The following CNTN5 variants were observed in gnomAD, a reference collection of about 807,000 sequenced individuals.
CNTN5 encodes contactin 5, also known as contactin-5.
A neutral mutation model predicts 129.1 loss-of-function variants in CNTN5; 77 were observed. That is an observed-to-expected ratio of 0.60 (90% CI 0.50 to 0.72). The LOEUF (loss-of-function observed/expected upper bound fraction) is 0.72. Among genes scored for constraint, CNTN5 ranks in the 30% least tolerant of loss-of-function variants. The pLI, the probability that CNTN5 is intolerant of heterozygous loss-of-function variation, is 0.00. For missense variants in CNTN5, 1,478 were observed against 1,328.8 expected (o/e 1.11, Z -1.75); for synonymous variants, 509 against 465.6 (o/e 1.09, Z -1.20).
chr11:99,497,314 G>C (rs1248736308), intron 2 of CNTN5, among the ~76,000 whole-genome samples: 1 of 152,158 alleles, frequency 6.6e-6, no homozygotes, highest in East Asian at 1.9e-4. Context: ...TGATGAGTTA[G>C]ATGTCTTGAT....
At chr11:99,718,536 G>T (rs1023852874) in intron 3 of CNTN5, among the ~76,000 whole-genome samples, 6 of 152,118 alleles carry the variant, frequency 3.9e-5, no homozygotes, top group Admixed American at 6.5e-5. Context: ...CATCAGCTTG[G>T]AGATGCTTCT....
intron 14 of CNTN5, 43 bp downstream of exon 14, chr11:100,191,296 G>T (rs200367703): frequency 9.0e-6 from 14 of 1,548,244 alleles, no homozygotes; most frequent in Non-Finnish European, 1.2e-5. Flanking sequence ...TAGTCTCATG[G>T]TCTTATCGGA....
At chr11:99,263,216 A>C (rs1435253878) in intron 1 of CNTN5, among the ~76,000 whole-genome samples, 2 of 152,034 alleles carry the variant, frequency 1.3e-5, no homozygotes, top group African/African-American at 4.8e-5. Context: ...TTCCTGTGTG[A>C]TGCCAACAGT....
intron 1 of CNTN5, among the ~76,000 whole-genome samples, chr11:99,076,469 C>A (rs1049396419): frequency 2.6e-5 from 4 of 152,032 alleles, no homozygotes; most frequent in African/African-American, 7.2e-5. Flanking sequence ...CACACAAGCA[C>A]ACACACACAA....
At chr11:99,473,568 C>T (rs144579032) in intron 2 of CNTN5, among the ~76,000 whole-genome samples, 15 of 151,134 alleles carry the variant, frequency 9.9e-5, no homozygotes, top group African/African-American at 3.2e-4. Context: ...TTTTTTCCTG[C>T]GAACACTTAC....
intron 3 of CNTN5, among the ~76,000 whole-genome samples, chr11:99,611,590 A>C (rs1004884987): frequency 6.6e-6 from 1 of 152,196 alleles, no homozygotes; most frequent in Admixed American, 6.5e-5. Flanking sequence ...AAAGTAAACT[A>C]TATTTAAATC....
intron 1 of CNTN5, among the ~76,000 whole-genome samples, chr11:99,067,178 C>T (rs1320902392): frequency 6.6e-6 from 1 of 151,522 alleles, no homozygotes; most frequent in Non-Finnish European, 1.5e-5. Context: ...GAGGAAACTG[C>T]TTAGAAATCT....
intron 1 of CNTN5, among the ~76,000 whole-genome samples, chr11:99,260,447 G>A (rs1234256316): frequency 6.6e-6 from 1 of 151,244 alleles, no homozygotes; most frequent in Admixed American, 6.6e-5. Flanking sequence ...ATATAGAAAG[G>A]GTAAAGTCAA....
chr11:100,212,940 G>C (rs892365764), intron 15 of CNTN5, among the ~76,000 whole-genome samples: 2 of 151,940 alleles, frequency 1.3e-5, no homozygotes, highest in African/African-American at 2.4e-5. Context: ...GGCACCCTTA[G>C]TACTGGGAAT....
At chr11:100,259,710 A>T (rs1415801194) in intron 17 of CNTN5, among the ~76,000 whole-genome samples, 1 of 152,212 alleles carries the variant, frequency 6.6e-6, no homozygotes, top group Non-Finnish European at 1.5e-5. Context: ...GTAAATAATG[A>T]AATTAAGGCA....
At chr11:99,467,464 C>T (rs1944990429) in intron 2 of CNTN5, among the ~76,000 whole-genome samples, 1 of 152,076 alleles carries the variant, frequency 6.6e-6, no homozygotes, top group Admixed American at 6.6e-5. Flanking sequence ...TTTGTTTAAT[C>T]ACTAATTTGT....
In CNTN5 at chr11:99,742,908, A is replaced by G. The variant is rs1328599961; in HGVS notation, c.56-76636A>G. Among the ~76,000 whole-genome samples the G allele has an allele frequency of 3.9e-5, 6 of 152,210 alleles. No individual in the cohort carries two copies. The East Asian group carries it at 1.2e-3, about 29-fold the overall frequency. On this transcript the variant is annotated intron_variant, in intron 3 of 24. Coordinates refer to ENST00000524871, the MANE Select transcript of CNTN5 (RefSeq NM_014361.4). The stretch of plus-strand genomic sequence containing the variant: ...AATGCATCAGAATAATTAGAAACAC[A>G]AGGCAAAGCTTCTGCCTTCAGAAAG...
At chr11:100,279,839 T>A (rs1950595090) in intron 18 of CNTN5, among the ~76,000 whole-genome samples, 1 of 151,664 alleles carries the variant, frequency 6.6e-6, no homozygotes. Context: ...TAATTTTGGG[T>A]TTGGTTTACT....
rs558307819 is a variant in CNTN5 at position 99,304,596 on chromosome 11, C to T, written c.-209-20750C>T. On this transcript the variant is annotated intron_variant, in intron 1 of 24. Transcript: ENST00000524871. Reference sequence around the variant, plus strand: ...TTTACAAATCTGGATGCAGTTCACTCACAATAAAATTTTTAAACTCACACT... The same window carrying T: ...TTTACAAATCTGGATGCAGTTCACTTACAATAAAATTTTTAAACTCACACT... Among the ~76,000 whole-genome samples, 4 of 152,262 alleles carry T rather than the reference C, an allele frequency of 2.6e-5. No homozygotes were observed. The East Asian group carries it at 7.7e-4, about 29-fold the overall frequency.
chr11:99,787,880 C>A (rs1032680255), intron 3 of CNTN5, among the ~76,000 whole-genome samples: 1 of 151,906 alleles, frequency 6.6e-6, no homozygotes, highest in Non-Finnish European at 1.5e-5. Context: ...ATGTAGCTAA[C>A]CAGACCATAT....
At chr11:99,329,924 C>CTG (rs1421870005) in intron 2 of CNTN5, among the ~76,000 whole-genome samples, 6 of 104,664 alleles carry the variant, frequency 5.7e-5, no homozygotes, top group Admixed American at 5.0e-4. Flanking sequence ...GACACACACA[C>CTG]ACACACACAC....
intron 9 of CNTN5, among the ~76,000 whole-genome samples, chr11:100,037,657 G>T (rs551325073): frequency 6.6e-6 from 1 of 152,106 alleles, no homozygotes; most frequent in Admixed American, 6.6e-5. Context: ...CCTGTTGTTG[G>T]TCTATTCAGA....
At chr11:99,479,746 A>G (rs1945517355) in intron 2 of CNTN5, among the ~76,000 whole-genome samples, 1 of 152,132 alleles carries the variant, frequency 6.6e-6, no homozygotes, top group Non-Finnish European at 1.5e-5. Flanking sequence ...ATTAAATTTA[A>G]AAAACAAAAT....
At chr11:99,500,838 G>A (rs1591171309) in intron 2 of CNTN5, among the ~76,000 whole-genome samples, 1 of 151,994 alleles carries the variant, frequency 6.6e-6, no homozygotes, top group East Asian at 1.9e-4. Context: ...CAATAAGTAT[G>A]TTTATTTAAA....
Sources: allele counts gnomAD v4.1 joint callset (sites outside exome capture counted in the v4.1 genomes callset), GRCh38; gene constraint gnomAD v4.1.1; transcripts MANE v1.5; gene names NCBI Gene and HGNC (gene_info 2026-07-23, HGNC 2026-07-21).